RBFOX1: variants seen among roughly 807,000 people sequenced by gnomAD.
The protein encoded by RBFOX1 is RNA binding fox-1 homolog 1.
In RBFOX1, 8 loss-of-function variants were observed where a neutral mutation model predicts 57.7. That is an observed-to-expected ratio of 0.14 (90% CI 0.08 to 0.25). The LOEUF is 0.25. Ranked by LOEUF, RBFOX1 falls within the 10% of genes least tolerant of loss-of-function variation. RBFOX1 has a pLI of 1.00. For synonymous variants in RBFOX1, 326 were observed against 222.4 expected (o/e 1.47, Z -4.15); for missense variants, 611 against 548.5 (o/e 1.11, Z -1.14).
At chr16:6,785,154 G>A (rs2081717246) in intron 3 of RBFOX1, among the ~76,000 whole-genome samples, 1 of 152,020 alleles carries the variant, frequency 6.6e-6, no homozygotes, top group African/African-American at 2.4e-5. Flanking sequence ...TTTCATTTCT[G>A]AACAAAGAGA....
intron 3 of RBFOX1, among the ~76,000 whole-genome samples, chr16:5,605,866 T>C (rs1188917848): frequency 6.6e-6 from 1 of 151,794 alleles, no homozygotes; most frequent in Non-Finnish European, 1.5e-5. Context: ...GAGGGGAGAG[T>C]GCCAACACAG....
At chr16:6,689,063 G>A (rs192556180) in intron 3 of RBFOX1, among the ~76,000 whole-genome samples, 1 of 152,292 alleles carries the variant, frequency 6.6e-6, no homozygotes, top group East Asian at 1.9e-4. Flanking sequence ...TTGGTTGCAA[G>A]TCTTTGCTAT....
intron 3 of RBFOX1, among the ~76,000 whole-genome samples, chr16:5,864,228 A>T (rs185888418): frequency 1.7e-4 from 26 of 152,336 alleles, no homozygotes; most frequent in African/African-American, 5.8e-4. Context: ...TGCGAAGTCC[A>T]TGATCACAAC....
chr16:6,613,520 A>G (rs2098098894), intron 2 of RBFOX1, among the ~76,000 whole-genome samples: 1 of 152,172 alleles, frequency 6.6e-6, no homozygotes, highest in African/African-American at 2.4e-5. Context: ...ACATGCAAGG[A>G]CATTGTAAAA....
At chr16:7,057,259 A>G (rs541891008) in intron 4 of RBFOX1, among the ~76,000 whole-genome samples, 1 of 152,314 alleles carries the variant, frequency 6.6e-6, no homozygotes, top group Non-Finnish European at 1.5e-5. Context: ...CTCTCAGTTA[A>G]GGTTGTTTGG....
intron 5 of RBFOX1, among the ~76,000 whole-genome samples, chr16:7,577,455 G>A (rs147458214): frequency 3.3e-5 from 5 of 152,272 alleles, no homozygotes; most frequent in African/African-American, 1.2e-4. Flanking sequence ...CCCTGTCTTG[G>A]AATAGCCTCA....
At chr16:5,832,042 G>T (rs1427544077) in intron 3 of RBFOX1, among the ~76,000 whole-genome samples, 5 of 152,188 alleles carry the variant, frequency 3.3e-5, no homozygotes, top group Non-Finnish European at 5.9e-5. Flanking sequence ...GAAGACCCCA[G>T]TCAGCATCAG....
intron 3 of RBFOX1, among the ~76,000 whole-genome samples, chr16:5,850,198 A>G (rs2056859410): frequency 6.6e-6 from 1 of 152,180 alleles, no homozygotes; most frequent in Non-Finnish European, 1.5e-5. Flanking sequence ...CAGAGGGATA[A>G]GCGGAGGGGA....
chr16:6,526,825 G>C (rs1264360126), intron 2 of RBFOX1, among the ~76,000 whole-genome samples: 1 of 65,852 alleles, frequency 1.5e-5, no homozygotes, highest in African/African-American at 8.0e-5. Context: ...GCGAGACTCT[G>C]TCTCAAAAAA....
intron 2 of RBFOX1, among the ~76,000 whole-genome samples, chr16:6,492,920 AAGGG>A (rs2153141838): frequency 6.6e-6 from 1 of 152,346 alleles, no homozygotes; most frequent in East Asian, 1.9e-4. Flanking sequence ...AAAGATAATG[AAGGG>A]ACTATAAACA....
intron 3 of RBFOX1, among the ~76,000 whole-genome samples, chr16:6,809,240 T>G (rs1454843698): frequency 6.6e-6 from 1 of 152,222 alleles, no homozygotes; most frequent in African/African-American, 2.4e-5. Context: ...CTCATGTGAT[T>G]CTGGGGGCTG....
At chr16:5,532,679 T>G (rs1353006140) in intron 2 of RBFOX1, among the ~76,000 whole-genome samples, 1 of 152,234 alleles carries the variant, frequency 6.6e-6, no homozygotes, top group Admixed American at 6.5e-5. Context: ...TTCAATGCTG[T>G]GCTCTGAGCT....
chr16:6,782,756 G>A (rs868104760), intron 3 of RBFOX1, among the ~76,000 whole-genome samples: 3 of 152,214 alleles, frequency 2.0e-5, no homozygotes, highest in Non-Finnish European at 2.9e-5. Flanking sequence ...GTTCTGTAGC[G>A]CACATTAAGT....
intron 3 of RBFOX1, among the ~76,000 whole-genome samples, chr16:6,817,868 C>T (rs1342499639): frequency 8.6e-5 from 13 of 152,036 alleles, no homozygotes; most frequent in Admixed American, 8.5e-4. Context: ...ACAGGAGATC[C>T]CAAGCCCTTC....
intron 4 of RBFOX1, among the ~76,000 whole-genome samples, chr16:5,898,727 C>G (rs951694797): frequency 6.6e-6 from 1 of 151,888 alleles, no homozygotes; most frequent in Non-Finnish European, 1.5e-5. Flanking sequence ...CCATTATGCT[C>G]TACTATTTTG....
chr16:5,923,393 T>C (rs2058869667), intron 4 of RBFOX1, among the ~76,000 whole-genome samples: 1 of 151,890 alleles, frequency 6.6e-6, no homozygotes, highest in Non-Finnish European at 1.5e-5. Context: ...GGAGGTTGAA[T>C]AATGAGGGCC....
intron 2 of RBFOX1, among the ~76,000 whole-genome samples, chr16:6,484,484 T>A (rs2095431823): frequency 6.6e-6 from 1 of 152,172 alleles, no homozygotes; most frequent in East Asian, 1.9e-4. Flanking sequence ...AGTTGCCTTC[T>A]TCTGAGATCA....
chr16:6,548,486 T>A (rs188078469), intron 2 of RBFOX1, among the ~76,000 whole-genome samples: 70 of 152,328 alleles, frequency 4.6e-4, no homozygotes, highest in Middle Eastern at 3.4e-3. Flanking sequence ...GTTTACACAC[T>A]GATTTCTTCA....
chr16:5,936,810 A>G (rs2059177307), intron 4 of RBFOX1, among the ~76,000 whole-genome samples: 1 of 152,190 alleles, frequency 6.6e-6, no homozygotes, highest in Admixed American at 6.5e-5. Context: ...GCACATGCCA[A>G]GACAAGAGCG....
Sources: allele counts gnomAD v4.1 joint callset (sites outside exome capture counted in the v4.1 genomes callset), GRCh38; gene constraint gnomAD v4.1.1; transcripts MANE v1.5; gene names NCBI Gene and HGNC (gene_info 2026-07-23, HGNC 2026-07-21).